Variants in FHOD3 observed in about 807,000 individuals in gnomAD.
The protein encoded by FHOD3 is FH1/FH2 domain-containing protein 3.
A neutral mutation model predicts 173.0 loss-of-function variants in FHOD3; 90 were observed. That is an observed-to-expected ratio of 0.52 (90% CI 0.44 to 0.62). The LOEUF (loss-of-function observed/expected upper bound fraction) is 0.62. Among genes scored for constraint, FHOD3 ranks in the 20% least tolerant of loss-of-function variants. The probability of loss-of-function intolerance (pLI) is 0.00; values close to 1 mark genes in which losing one functional copy is unlikely to be tolerated. For missense variants in FHOD3, 1,945 were observed against 2,034.7 expected (o/e 0.96, Z 0.85); for synonymous variants, 828 against 823.0 (o/e 1.01, Z -0.10).
intron 24 of FHOD3, among the ~76,000 whole-genome samples, chr18:36,750,377 C>T (rs189311559): frequency 8.4e-4 from 128 of 152,270 alleles, no homozygotes; most frequent in Admixed American, 2.2e-3. Context: ...TAAAGATGCT[C>T]GACATTAGAC....
chr18:36,738,829 C>T (rs548452971), intron 20 of FHOD3, among the ~76,000 whole-genome samples: 1 of 152,304 alleles, frequency 6.6e-6, no homozygotes, highest in Admixed American at 6.5e-5. Flanking sequence ...GTCTTAATTA[C>T]TATAGCTTTT....
intron 17 of FHOD3, among the ~76,000 whole-genome samples, chr18:36,693,945 G>T (rs962434974): frequency 7.9e-5 from 12 of 152,156 alleles, no homozygotes; most frequent in Admixed American, 2.0e-4. Flanking sequence ...GTTGGATGTG[G>T]GTGTGTGTGT....
chr18:36,352,200 C>G (rs1208173749), intron 1 of FHOD3, among the ~76,000 whole-genome samples: 2 of 151,916 alleles, frequency 1.3e-5, no homozygotes, highest in Admixed American at 6.6e-5. Flanking sequence ...TTGCTTGATG[C>G]CAGGAGTTCA....
chr18:36,479,551 G>A (rs763114701), intron 3 of FHOD3, among the ~76,000 whole-genome samples: 45 of 152,058 alleles, frequency 3.0e-4, no homozygotes, highest in Middle Eastern at 3.4e-3. Context: ...TAGCATGTAA[G>A]GAACATTCAG....
intron 3 of FHOD3, among the ~76,000 whole-genome samples, chr18:36,440,338 C>T (rs1368259363): frequency 2.0e-5 from 3 of 152,330 alleles, no homozygotes; most frequent in East Asian, 1.9e-4. Flanking sequence ...TTTCCACATC[C>T]GCCTGGGGAG....
chr18:36,477,575 C>G (rs2053654970), intron 3 of FHOD3, among the ~76,000 whole-genome samples: 1 of 147,192 alleles, frequency 6.8e-6, no homozygotes, highest in African/African-American at 2.5e-5. Context: ...ACCTACCTAC[C>G]TACCTACCTA....
chr18:36,732,329 T>C (rs1293533180), intron 20 of FHOD3, among the ~76,000 whole-genome samples: 2 of 152,144 alleles, frequency 1.3e-5, no homozygotes, highest in African/African-American at 4.8e-5. Context: ...GTTTGTGGCG[T>C]TTTATTATGG....
At chr18:36,537,843 T>C (rs1278356567) in intron 5 of FHOD3, among the ~76,000 whole-genome samples, 1 of 152,050 alleles carries the variant, frequency 6.6e-6, no homozygotes, top group African/African-American at 2.4e-5. Flanking sequence ...TTAACCAGGA[T>C]CTAATCACCA....
intron 23 of FHOD3, among the ~76,000 whole-genome samples, chr18:36,745,850 C>A (rs1229516436): frequency 1.3e-5 from 2 of 151,404 alleles, no homozygotes; most frequent in African/African-American, 4.9e-5. Context: ...CCCCGCCACA[C>A]CCTCCACGCA....
At chr18:36,429,013 C>T (rs1368154640) in intron 3 of FHOD3, among the ~76,000 whole-genome samples, 1 of 152,152 alleles carries the variant, frequency 6.6e-6, no homozygotes, top group Admixed American at 6.5e-5. Context: ...GGGCCACTGT[C>T]GTCATTGCTT....
intron 3 of FHOD3, among the ~76,000 whole-genome samples, chr18:36,445,935 T>C (rs1229125519): frequency 6.6e-6 from 1 of 152,208 alleles, no homozygotes; most frequent in African/African-American, 2.4e-5. Flanking sequence ...TGAGAAACCT[T>C]GATCCTACTC....
intron 9 of FHOD3, among the ~76,000 whole-genome samples, chr18:36,612,826 A>G (rs2032827013): frequency 6.6e-6 from 1 of 152,228 alleles, no homozygotes; most frequent in Non-Finnish European, 1.5e-5. Context: ...TCTTACCAAA[A>G]CAGCAGAAAC....
At chr18:36,374,540 T>C (rs1568187815) in intron 3 of FHOD3, among the ~76,000 whole-genome samples, 1 of 152,258 alleles carries the variant, frequency 6.6e-6, no homozygotes, top group Non-Finnish European at 1.5e-5. Flanking sequence ...TCAAAATTAG[T>C]CACTACAGAA....
rs1047944786 is a variant in FHOD3 at position 36,755,038 on chromosome 18, G to A, written c.4233-81G>A. ...TTATTTATTTTAAGTTCTCACATTG[G>A]TTTCTTACTGAGAGATTTTAGACAA... On this transcript the variant is annotated intron_variant, in intron 24 of 28. Transcript: ENST00000590592. 6 of 555,850 alleles carry A rather than the reference G, an allele frequency of 1.1e-5. No individual in the cohort carries two copies. The African/African-American group carries it at 1.2e-4, about 11-fold the overall frequency. The allele number at this position is 555,850 out of a possible 1,614,324, so 34.4% of individuals were successfully genotyped here. A position where few individuals can be genotyped will look rare whatever the true frequency, so the allele number is the denominator to read the frequency against.
At chr18:36,420,607 C>T (rs530574442) in intron 3 of FHOD3, among the ~76,000 whole-genome samples, 1 of 152,352 alleles carries the variant, frequency 6.6e-6, no homozygotes, top group East Asian at 1.9e-4. Context: ...TTAGATGACA[C>T]TGGGTAGAAA....
intron 11 of FHOD3, among the ~76,000 whole-genome samples, 174 bp downstream of exon 11, chr18:36,649,579 A>C (rs1038068349): frequency 6.6e-6 from 1 of 152,202 alleles, no homozygotes; most frequent in Non-Finnish European, 1.5e-5. Flanking sequence ...ATACCTGAGC[A>C]TGTTTTCATT....
chr18:36,608,983 A>G (rs1211566461), intron 8 of FHOD3, among the ~76,000 whole-genome samples: 1 of 152,270 alleles, frequency 6.6e-6, no homozygotes, highest in Non-Finnish European at 1.5e-5. Flanking sequence ...TGGCTTTGCC[A>G]CAATGGTTTT....
At position 36,652,759 on chromosome 18, in the gene FHOD3, T is replaced by C; in HGVS notation, c.1476T>C (p.Pro492=). ...EATPSALLSP[P]ASAARPSSAT... ...CCCCATCTGCCCTCCTGTCACCCCC[T>C]GCCTCAGCTGCTCGGCCCTCCTCCG... Residue 492 remains proline, a synonymous_variant, in exon 12 of 29, where the codon CCT becomes CCC. Transcript: ENST00000590592. 1 of 1,535,930 alleles carries C rather than the reference T, an allele frequency of 6.5e-7. No homozygotes were observed. The highest frequency in any genetic ancestry group is 1.2e-5 in the South Asian group (1 of 84,044).
At chr18:36,404,701 A>G (rs2048977198) in intron 3 of FHOD3, among the ~76,000 whole-genome samples, 1 of 152,026 alleles carries the variant, frequency 6.6e-6, no homozygotes, top group South Asian at 2.1e-4. Flanking sequence ...TTCAGTGGCT[A>G]TTGGGGGGCT....
Sources: allele counts gnomAD v4.1 joint callset (sites outside exome capture counted in the v4.1 genomes callset), GRCh38; gene constraint gnomAD v4.1.1; transcripts MANE v1.5; gene names NCBI Gene and HGNC (gene_info 2026-07-23, HGNC 2026-07-21).